Variants in WNK2 observed in about 807,000 individuals in gnomAD.
The protein encoded by WNK2 is WNK lysine deficient protein kinase 2, also known as serine/threonine-protein kinase WNK2.
Under a neutral mutation model 192.1 loss-of-function variants are expected in WNK2, and 67 were observed. The ratio of observed to expected loss-of-function variants is 0.35; its 90% CI spans 0.29 to 0.43. The LOEUF (loss-of-function observed/expected upper bound fraction) is 0.43, where lower values mean the gene tolerates loss of function less well. WNK2 is among the 20% of genes least tolerant of loss of function. The probability of loss-of-function intolerance (pLI) is 1.00; values close to 1 mark genes in which losing one functional copy is unlikely to be tolerated. For synonymous variants in WNK2, 1,439 were observed against 1,393.9 expected (o/e 1.03, Z -0.72); for missense variants, 2,698 against 3,089.7 (o/e 0.87, Z 3.01).
At chr9:93,210,879 T>C (rs1020545765) in intron 2 of WNK2, among the ~76,000 whole-genome samples, 1 of 152,174 alleles carries the variant, frequency 6.6e-6, no homozygotes, top group Non-Finnish European at 1.5e-5. Context: ...CCAGGGCCGC[T>C]ATGGGAGCCC....
chr9:93,234,810 A>G lies in WNK2; in HGVS notation c.1078A>G (p.Thr360Ala). 6.2e-7 allele frequency: 1 copy of G among 1,611,286 alleles called. No individual in the cohort carries two copies. Among genetic ancestry groups the G allele is most frequent in the Non-Finnish European group, 8.5e-7 (1 of 1,177,882 alleles). ...RASFAKSVIG[T>A]PEFMAPEMYE... ...GCGTCTGTTGCTTCCGGGCACAGGT[A>G]CTCCCGAGTTCATGGCGCCCGAGAT... Residue 360 changes from threonine (T) to alanine (A), a missense_variant and splice_region_variant, in exon 5 of 30, where the codon ACT becomes GCT. By Grantham distance (58) the Thr-to-Ala change is moderately conservative (BLOSUM62 0). This residue lies in a region of WNK2 where 230 missense variants were observed against 501.1 expected (regional missense o/e 0.46). Coordinates refer to ENST00000427277, the MANE Select transcript of WNK2 (RefSeq NM_006648.4).
chr9:93,184,699 C>T (rs891164911), intron 1 of WNK2, among the ~76,000 whole-genome samples: 1 of 152,140 alleles, frequency 6.6e-6, no homozygotes, highest in African/African-American at 2.4e-5. Flanking sequence ...GCCCGTCCCT[C>T]TCCGCAGCCT....
intron 2 of WNK2, among the ~76,000 whole-genome samples, chr9:93,198,150 G>A (rs10821088): frequency 0.39 from 59,056 of 152,070 alleles, 13,444 homozygotes; most frequent in East Asian, 0.51. Context: ...AGCCTAAGGG[G>A]TTGTGGTGCA....
At chr9:93,288,649 C>A in intron 19 of WNK2, 139 bp from the exon 20 acceptor site, 1 of 883,822 alleles carries the variant, frequency 1.1e-6, no homozygotes, top group Non-Finnish European at 1.7e-6. Flanking sequence ...CAGGCAGGAG[C>A]CTGGCGTGTC....
At chr9:93,234,103 T>A (rs936040968) in intron 4 of WNK2, among the ~76,000 whole-genome samples, 1 of 152,224 alleles carries the variant, frequency 6.6e-6, no homozygotes, top group Non-Finnish European at 1.5e-5. Flanking sequence ...TCTAGCCTCA[T>A]GCTCATTTTG....
chr9:93,262,284 C>T (rs574016038), intron 13 of WNK2, among the ~76,000 whole-genome samples, 177 bp downstream of exon 13: 2 of 152,362 alleles, frequency 1.3e-5, no homozygotes, highest in South Asian at 2.1e-4. Flanking sequence ...CACATCAAGA[C>T]AGAGGGTGTG....
chr9:93,289,830 C>T, intron 20 of WNK2, 148 bp from the exon 21 acceptor site: 1 of 872,070 alleles, frequency 1.1e-6, no homozygotes, highest in South Asian at 1.8e-5. Context: ...TGTGCAGCGT[C>T]AGGTGACTCA....
intron 7 of WNK2, among the ~76,000 whole-genome samples, chr9:93,245,527 A>G (rs1003151853): frequency 6.6e-6 from 1 of 152,014 alleles, no homozygotes; most frequent in Non-Finnish European, 1.5e-5. Context: ...GCACAGCTTC[A>G]CCCGCCAGTT....
intron 28 of WNK2, chr9:93,309,005 C>CAT (rs1294848615): frequency 9.8e-7 from 1 of 1,015,368 alleles, no homozygotes; most frequent in African/African-American, 1.7e-5. Flanking sequence ...AGCGTCTGGC[C>CAT]ATAGCTCACA....
At chr9:93,246,888 G>C (rs1013898772) in intron 7 of WNK2, among the ~76,000 whole-genome samples, 6 of 152,246 alleles carry the variant, frequency 3.9e-5, no homozygotes, top group Non-Finnish European at 7.3e-5. Context: ...AGCAAGAGCA[G>C]CCCCTTCAAA....
At position 93,247,750 on chromosome 9, in the gene WNK2, CCCGGGCCACCAGAG is replaced by C; in HGVS notation, c.1753_1766del (p.Gly585ArgfsTer334). On this transcript the variant is annotated frameshift_variant, in exon 8 of 30. Coordinates refer to ENST00000427277, the MANE Select transcript of WNK2 (RefSeq NM_006648.4). LOFTEE classifies it high-confidence loss of function. This position sits in a 1 kb window ranked among gnomAD's most constrained non-coding sequence, Gnocchi z 5.2. Reference sequence around the variant, plus strand: ...GACCTACCATGCACAGGCTGGGCAGCCCGGGCCACCAGAGCCCGAGGAGCCGGAGGCCGACCAGC... The same window carrying C: ...GACCTACCATGCACAGGCTGGGCAGCCCCGAGGAGCCGGAGGCCGACCAGC... The C allele has an allele frequency of 6.4e-7, 1 of 1,553,472 alleles. No homozygotes were observed. Among genetic ancestry groups the C allele is most frequent in the Non-Finnish European group, 8.7e-7 (1 of 1,149,866 alleles).
In WNK2 at chr9:93,247,485, G is replaced by T; in HGVS notation, c.1543-58G>T. 1.9e-6 allele frequency: 3 copies of T among 1,557,714 alleles called. No homozygotes were observed. Among genetic ancestry groups the T allele is most frequent in the South Asian group, 1.2e-5 (1 of 84,310 alleles). ...TGATGGGAAAGCACTTTAGGTAAGG[G>T]GTGTGGGCCGGTGAGGGCTGATCCC... On this transcript the variant is annotated intron_variant, in intron 7 of 29. Transcript: ENST00000427277. This position sits in a 1 kb window ranked among gnomAD's most constrained non-coding sequence, Gnocchi z 5.2.
At chr9:93,196,002 T>C (rs1387660604) in intron 2 of WNK2, among the ~76,000 whole-genome samples, 1 of 152,076 alleles carries the variant, frequency 6.6e-6, no homozygotes, top group African/African-American at 2.4e-5. Flanking sequence ...TTAGATGTGT[T>C]TGGGGAGTGG....
Position 93,262,757 on chromosome 9 carries a change from A to AG in WNK2, c.3410+42dup, listed in dbSNP as rs376422866. On this transcript the variant is annotated intron_variant, in intron 14 of 29. Coordinates refer to ENST00000427277, the MANE Select transcript of WNK2 (RefSeq NM_006648.4). ...AGCCTCGACCTCGCAGGACGGGTGT[A>AG]GGGGCGCAGGCCTGTACAGCCACTC... is the stretch of plus-strand genomic sequence containing the variant. The AG allele has an allele frequency of 1.4e-4, 219 of 1,606,714 alleles. No individual in the cohort carries two copies. In the African/African-American group the frequency reaches 2.7e-3, roughly 20 times the overall value.
At chr9:93,281,219 A>G (rs1372578694) in intron 19 of WNK2, among the ~76,000 whole-genome samples, 3 of 152,194 alleles carry the variant, frequency 2.0e-5, no homozygotes, top group East Asian at 3.9e-4. Context: ...AGTTATACCT[A>G]AATAAAGCTA....
chr9:93,191,796 G>A (rs956146099), intron 2 of WNK2, among the ~76,000 whole-genome samples: 8 of 151,988 alleles, frequency 5.3e-5, no homozygotes, highest in African/African-American at 1.4e-4. Context: ...AGGTTGAGAC[G>A]GGTGGATCAT....
intron 2 of WNK2, among the ~76,000 whole-genome samples, chr9:93,217,539 C>T (rs1835970665): frequency 6.6e-6 from 1 of 152,164 alleles, no homozygotes; most frequent in Non-Finnish European, 1.5e-5. Flanking sequence ...CTCTTGCCGC[C>T]AGTTCTGGGA....
chr9:93,226,109 C>G (rs1365265693), intron 2 of WNK2, among the ~76,000 whole-genome samples: 2 of 152,192 alleles, frequency 1.3e-5, no homozygotes, highest in African/African-American at 2.4e-5. Context: ...TTTGAGGACA[C>G]TGTCCCTGCC....
chr9:93,288,202 G>T (rs1174194093), intron 19 of WNK2, among the ~76,000 whole-genome samples: 1 of 152,204 alleles, frequency 6.6e-6, no homozygotes, highest in Non-Finnish European at 1.5e-5. Context: ...GGGAGACTTG[G>T]TTATACTGCT....
Sources: allele counts gnomAD v4.1 joint callset (sites outside exome capture counted in the v4.1 genomes callset), GRCh38; gene constraint gnomAD v4.1.1; regional missense constraint gnomAD v4.1.1; non-coding constraint Gnocchi (gnomAD v3.1); transcripts MANE v1.5; gene names NCBI Gene and HGNC (gene_info 2026-07-23, HGNC 2026-07-21).